The following NBAS variants were observed in gnomAD, a reference collection of about 807,000 sequenced individuals.
NBAS encodes the protein NBAS subunit of NRZ tethering complex.
NBAS carries 219 observed loss-of-function variants against 302.5 expected under a neutral mutation model. The ratio of observed to expected loss-of-function variants is 0.72; its 90% CI spans 0.65 to 0.81. NBAS has a LOEUF of 0.81. Ranked by LOEUF, NBAS falls within the 30% of genes least tolerant of loss-of-function variation. The pLI, the probability that NBAS is intolerant of heterozygous loss-of-function variation, is 0.00. For synonymous variants in NBAS, 1,118 were observed against 1,021.6 expected (o/e 1.09, Z -1.80); for missense variants, 2,932 against 2,841.6 (o/e 1.03, Z -0.72).
chr2:15,138,511 C>T, the NBAS span, among the ~76,000 whole-genome samples: 1 of 152,162 alleles, frequency 6.6e-6, no homozygotes, highest in Non-Finnish European at 1.5e-5. Flanking sequence ...GTGCTGTCCA[C>T]ATACAATCCT....
chr2:15,385,150 A>C (rs749145500), intron 28 of NBAS, among the ~76,000 whole-genome samples: 1 of 152,222 alleles, frequency 6.6e-6, no homozygotes, highest in African/African-American at 2.4e-5. Context: ...CAAATACACA[A>C]AACAAACTGA....
intron 44 of NBAS, among the ~76,000 whole-genome samples, chr2:15,240,671 T>A (rs1326887194): frequency 6.6e-6 from 1 of 151,898 alleles, no homozygotes; most frequent in African/African-American, 2.4e-5. Context: ...CCTATATAAA[T>A]ATTGATAAAA....
At chr2:15,151,152 C>G in the NBAS span, among the ~76,000 whole-genome samples, 1 of 152,268 alleles carries the variant, frequency 6.6e-6, no homozygotes, top group Admixed American at 6.5e-5. Context: ...TCTGTTGTGC[C>G]CTTCCAGGAT....
chr2:14,979,519 G>A, the NBAS span, among the ~76,000 whole-genome samples: 1 of 152,154 alleles, frequency 6.6e-6, no homozygotes, highest in Non-Finnish European at 1.5e-5. Context: ...TACAGATAAG[G>A]AAATGGAGGT....
chr2:14,885,090 G>T, the NBAS span, among the ~76,000 whole-genome samples: 32 of 152,296 alleles, frequency 2.1e-4, 1 homozygote, highest in East Asian at 6.0e-3. Context: ...GAGCAGTCAT[G>T]AAAGACTCTT....
At chr2:15,311,615 A>G (rs1318369756) in intron 38 of NBAS, among the ~76,000 whole-genome samples, 1 of 152,248 alleles carries the variant, frequency 6.6e-6, no homozygotes, top group Non-Finnish European at 1.5e-5. Context: ...AAGAAGCAAG[A>G]ACAGACTTAA....
rs530953057 is a variant in NBAS, at chr2:15,167,515, T to TAAGAAGACAC, written c.6841-202_6841-193dup. ...ATGACAGACGGGGCTCCTCTTAACA[T>TAAGAAGACAC]AAGAAGACACAAGAACCCCACTGCA... On this transcript the variant is annotated intron_variant, in intron 51 of 51. Coordinates refer to ENST00000281513, the MANE Select transcript of NBAS (RefSeq NM_015909.4). 9.2e-5 allele frequency among the ~76,000 whole-genome samples: 14 copies of TAAGAAGACAC among 152,238 alleles called. No homozygotes were observed. In the South Asian group the frequency reaches 2.9e-3, roughly 32 times the overall value.
At chr2:14,983,528 G>A in the NBAS span, among the ~76,000 whole-genome samples, 12,110 of 152,176 alleles carry the variant, frequency 0.08, 1,249 homozygotes, top group African/African-American at 0.23. Flanking sequence ...ACAACTCCAG[G>A]CATGTAATAA....
chr2:14,950,573 T>C, the NBAS span, among the ~76,000 whole-genome samples: 2 of 152,158 alleles, frequency 1.3e-5, no homozygotes, highest in Non-Finnish European at 2.9e-5. Flanking sequence ...AAAACAAGAC[T>C]GAAATTGTGC....
intron 21 of NBAS, among the ~76,000 whole-genome samples, chr2:15,435,914 C>T (rs1677988062): frequency 6.6e-6 from 1 of 152,162 alleles, no homozygotes; most frequent in Non-Finnish European, 1.5e-5. Context: ...ATCACAACTC[C>T]CAGTGCTCTT....
intron 30 of NBAS, among the ~76,000 whole-genome samples, chr2:15,375,080 A>G (rs967794246): frequency 3.3e-5 from 5 of 152,316 alleles, no homozygotes; most frequent in African/African-American, 1.2e-4. Context: ...ATTTTAAAGG[A>G]TGAAGTTCAG....
chr2:14,926,073 A>T, the NBAS span, among the ~76,000 whole-genome samples: 2 of 152,290 alleles, frequency 1.3e-5, no homozygotes, highest in Admixed American at 6.5e-5. Flanking sequence ...AGTGAGTCTG[A>T]AACTTCCCTG....
chr2:14,985,358 T>G, the NBAS span, among the ~76,000 whole-genome samples: 1 of 152,134 alleles, frequency 6.6e-6, no homozygotes, highest in Non-Finnish European at 1.5e-5. Flanking sequence ...GTCAAAAATT[T>G]TAAACATACT....
the NBAS span, among the ~76,000 whole-genome samples, chr2:15,014,565 A>T: frequency 6.6e-6 from 1 of 152,136 alleles, no homozygotes; most frequent in African/African-American, 2.4e-5. Context: ...GAAAACTTAA[A>T]ATTCCTCGAA....
At chr2:14,963,348 G>A in the NBAS span, among the ~76,000 whole-genome samples, 1 of 152,150 alleles carries the variant, frequency 6.6e-6, no homozygotes, top group Non-Finnish European at 1.5e-5. Context: ...ATATTAGCTA[G>A]CTGTATTCAT....
chr2:14,976,402 T>C, the NBAS span, among the ~76,000 whole-genome samples: 1 of 152,192 alleles, frequency 6.6e-6, no homozygotes, highest in Non-Finnish European at 1.5e-5. Flanking sequence ...GTTGTGCATG[T>C]GCACAAGGTC....
chr2:14,991,978 A>C, the NBAS span, among the ~76,000 whole-genome samples: 1 of 152,134 alleles, frequency 6.6e-6, no homozygotes, highest in Non-Finnish European at 1.5e-5. Flanking sequence ...GAGGAGGAGC[A>C]CCTTTGGCTG....
intron 43 of NBAS, 140 bp downstream of exon 43, chr2:15,276,711 A>G: frequency 7.9e-7 from 1 of 1,258,404 alleles, no homozygotes; most frequent in Non-Finnish European, 1.1e-6. Flanking sequence ...TGGAAAGATA[A>G]TAACTAAAGT....
chr2:14,919,027 A>T, the NBAS span, among the ~76,000 whole-genome samples: 1 of 152,144 alleles, frequency 6.6e-6, no homozygotes, highest in Non-Finnish European at 1.5e-5. Flanking sequence ...AGATGGCAGC[A>T]CCAATTTCCA....
Sources: allele counts gnomAD v4.1 joint callset (sites outside exome capture counted in the v4.1 genomes callset), GRCh38; gene constraint gnomAD v4.1.1; transcripts MANE v1.5; gene names NCBI Gene and HGNC (gene_info 2026-07-23, HGNC 2026-07-21).